The following ESF1 variants were observed in gnomAD, a reference collection of about 807,000 sequenced individuals.
The protein encoded by ESF1 is ESF1 nucleolar pre-rRNA processing protein.
A neutral mutation model predicts 92.0 loss-of-function variants in ESF1; 58 were observed. That is an observed-to-expected ratio of 0.63 (90% CI 0.51 to 0.78). The LOEUF (loss-of-function observed/expected upper bound fraction) is 0.78, where lower values mean the gene tolerates loss of function less well. ESF1 is among the 30% of genes least tolerant of loss of function. The pLI, the probability that ESF1 is intolerant of heterozygous loss-of-function variation, is 0.00. For missense variants in ESF1, 922 were observed against 989.1 expected (o/e 0.93, Z 0.91); for synonymous variants, 321 against 313.7 (o/e 1.02, Z -0.24).
At chr20:13,747,241 G>A (rs1310405525) in intron 9 of ESF1, among the ~76,000 whole-genome samples, 1 of 142,610 alleles carries the variant, frequency 7.0e-6, no homozygotes, top group Non-Finnish European at 1.5e-5. Flanking sequence ...GAGTATACCA[G>A]AGAAAAATGA....
intron 11 of ESF1, among the ~76,000 whole-genome samples, chr20:13,726,824 T>C (rs1471073103): frequency 9.3e-6 from 1 of 107,136 alleles, no homozygotes; most frequent in Non-Finnish European, 1.9e-5. Flanking sequence ...CCTTGCTGTT[T>C]TGCTTTTTCA....
chr20:13,730,392 T>C (rs2049933902), intron 10 of ESF1, among the ~76,000 whole-genome samples: 1 of 151,088 alleles, frequency 6.6e-6, no homozygotes, highest in Non-Finnish European at 1.5e-5. Flanking sequence ...GTGCTTTTTT[T>C]TTTTTTTTTG....
chr20:13,763,907 G>A (rs118062046), intron 8 of ESF1, among the ~76,000 whole-genome samples: 1 of 152,146 alleles, frequency 6.6e-6, no homozygotes, highest in Admixed American at 6.5e-5. Flanking sequence ...GATTAAACAT[G>A]ATTTTCCATA....
Position 13,775,177 on chromosome 20 carries a change from C to T in ESF1, c.1129G>A (p.Gly377Ser). 6.2e-7 allele frequency: 1 copy of T among 1,601,878 alleles called. No homozygotes were observed. Among genetic ancestry groups the T allele is most frequent in the Non-Finnish European group, 8.5e-7 (1 of 1,175,736 alleles). The change falls in exon 4 of 14, where the codon GGT becomes AGT. Residue 377 changes from glycine (G) to serine (S), a missense_variant. Physicochemically the swap from Gly to Ser is moderately conservative, Grantham distance 56. Coordinates refer to ENST00000617257, the MANE Select transcript of ESF1 (RefSeq NM_001276380.2). ...ALFNSFKPKG[G>S]VIFSVKIYPS... ...CTCACCTTGACGGAAAATATTACAC[C>T]TCCTTTGGGTTTAAATGAATTGAAC... is the stretch of plus-strand genomic sequence containing the variant.
intron 9 of ESF1, among the ~76,000 whole-genome samples, chr20:13,734,830 AAGT>A (rs998705546): frequency 1.3e-5 from 2 of 152,166 alleles, no homozygotes; most frequent in Non-Finnish European, 2.9e-5. Context: ...AATTCTAAGA[AAGT>A]AGAAACGATA....
Position 13,782,924 on chromosome 20 carries a change from C to A in ESF1, c.217G>T (p.Asp73Tyr). Residue 73 changes from aspartate to tyrosine, a missense_variant, in exon 2 of 14, where the codon GAC (aspartate) becomes TAC (tyrosine). Coordinates refer to ENST00000617257, the MANE Select transcript of ESF1 (RefSeq NM_001276380.2). ...AGATTGGAATCAGAATCTGAAAGGT[C>A]GTAAAAACGCTTCAAATCCTCTGTA... ...STTEDLKRFYDLSDSDSNLSG... is the reference protein window; with the variant it reads ...STTEDLKRFYYLSDSDSNLSG... 1 of 1,613,972 alleles carries A rather than the reference C, an allele frequency of 6.2e-7. No individual in the cohort carries two copies. Among genetic ancestry groups the A allele is most frequent in the Non-Finnish European group, 8.5e-7 (1 of 1,179,992 alleles).
At chr20:13,751,365 GTTTTC>G (rs1386520278) in intron 9 of ESF1, among the ~76,000 whole-genome samples, 8 of 152,164 alleles carry the variant, frequency 5.3e-5, no homozygotes, top group African/African-American at 1.9e-4. Flanking sequence ...CATGTGACAA[GTTTTC>G]TTTTCTTGAG....
intron 13 of ESF1, among the ~76,000 whole-genome samples, chr20:13,716,560 G>A (rs990458171): frequency 6.6e-6 from 1 of 151,934 alleles, no homozygotes; most frequent in Non-Finnish European, 1.5e-5. Flanking sequence ...ATCCACCCTA[G>A]GATGAACTGG....
intron 12 of ESF1, among the ~76,000 whole-genome samples, chr20:13,718,687 G>A (rs2049846940): frequency 6.6e-6 from 1 of 151,864 alleles, no homozygotes; most frequent in Non-Finnish European, 1.5e-5. Context: ...TTGAATTTGA[G>A]GTTAATTTTA....
chr20:13,732,677 G>C (rs1468286520), intron 10 of ESF1, among the ~76,000 whole-genome samples: 1 of 152,016 alleles, frequency 6.6e-6, no homozygotes, highest in Non-Finnish European at 1.5e-5. Flanking sequence ...ATAATTTTAA[G>C]ATTCCCCAAG....
intron 10 of ESF1, among the ~76,000 whole-genome samples, chr20:13,731,970 C>T (rs1162206851): frequency 3.9e-5 from 6 of 152,248 alleles, no homozygotes; most frequent in Non-Finnish European, 8.8e-5. Context: ...TACCCTATTT[C>T]CTCTGTATCC....
intron 9 of ESF1, among the ~76,000 whole-genome samples, chr20:13,742,494 C>T (rs1047139996): frequency 4.6e-5 from 7 of 151,748 alleles, no homozygotes; most frequent in African/African-American, 1.7e-4. Flanking sequence ...AAAAGTTCAA[C>T]ATTCATATAC....
chr20:13,765,536 T>C (rs774618952), intron 8 of ESF1, among the ~76,000 whole-genome samples: 20 of 152,148 alleles, frequency 1.3e-4, no homozygotes, highest in Middle Eastern at 3.2e-3. Flanking sequence ...TGAAAGTCAA[T>C]TGTGGTTTTA....
chr20:13,748,897 T>C (rs1690764151), intron 9 of ESF1, among the ~76,000 whole-genome samples: 1 of 151,952 alleles, frequency 6.6e-6, no homozygotes, highest in East Asian at 1.9e-4. Context: ...CCTCAAAGGC[T>C]ATTTTAAAAT....
At chr20:13,746,003 C>T (rs1318826367) in intron 9 of ESF1, among the ~76,000 whole-genome samples, 1 of 152,108 alleles carries the variant, frequency 6.6e-6, no homozygotes, top group Non-Finnish European at 1.5e-5. Flanking sequence ...CGCTCTGTCA[C>T]CCAGACTGGA....
chr20:13,731,462 G>A (rs1485181513), intron 10 of ESF1, among the ~76,000 whole-genome samples: 7 of 150,878 alleles, frequency 4.6e-5, no homozygotes, highest in Non-Finnish European at 1.5e-5. Flanking sequence ...AACCCGGGAG[G>A]TGGAGCTTGC....
chr20:13,719,492 A>G (rs951014797), intron 11 of ESF1, among the ~76,000 whole-genome samples: 1 of 152,178 alleles, frequency 6.6e-6, no homozygotes, highest in Non-Finnish European at 1.5e-5. Flanking sequence ...AATAAAAATG[A>G]TGAAACAGTA....
rs527661825 is a variant in ESF1, at chr20:13,718,803, C to T, written c.2115+105G>A. On this transcript the variant is annotated intron_variant, in intron 12 of 13. Transcript: ENST00000617257. ...GTCTCTTACAATTTAGTTATAAATG[C>T]CACTGCTAAAATAAGTTGTTTTTTA... 10 of 633,984 alleles carry T rather than the reference C, an allele frequency of 1.6e-5. No individual in the cohort carries two copies. The African/African-American group carries it at 1.9e-4, about 12-fold the overall frequency. The allele number at this position is 633,984 out of a possible 1,614,324, so 39.3% of individuals were successfully genotyped here. A position where few individuals can be genotyped will look rare whatever the true frequency, so the allele number is the denominator to read the frequency against.
chr20:13,751,480 G>A (rs978097472), intron 9 of ESF1, among the ~76,000 whole-genome samples: 15 of 152,086 alleles, frequency 9.9e-5, no homozygotes, highest in African/African-American at 2.9e-4. Context: ...TGCAAACAGC[G>A]GGAAGGACTG....
Sources: gnomAD v4.1 joint callset for allele counts (sites outside exome capture counted in the v4.1 genomes callset) on GRCh38, gnomAD v4.1.1 for gene constraint, MANE v1.5 for transcripts, NCBI Gene and HGNC (gene_info 2026-07-23, HGNC 2026-07-21) for gene names.